Variants in MPPED1 observed in about 807,000 individuals in gnomAD.
MPPED1 encodes the protein metallophosphoesterase domain-containing protein 1.
Under a neutral mutation model 36.2 loss-of-function variants are expected in MPPED1, and 16 were observed. The observed-to-expected ratio is 0.44, with a 90% CI of 0.30 to 0.67. The LOEUF is 0.67. Among genes scored for constraint, MPPED1 ranks in the 30% least tolerant of loss-of-function variants. MPPED1 has a pLI of 0.10. For missense variants in MPPED1, 307 were observed against 453.4 expected (o/e 0.68, Z 2.93); for synonymous variants, 199 against 191.3 (o/e 1.04, Z -0.33).
intron 4 of MPPED1, among the ~76,000 whole-genome samples, chr22:43,495,970 GA>G: frequency 7.3e-6 from 1 of 136,778 alleles, no homozygotes; most frequent in South Asian, 2.4e-4. Flanking sequence ...TGGTGGTGGA[GA>G]TGGTGGTGGT....
chr22:43,460,416 C>T (rs1022577840), intron 3 of MPPED1, among the ~76,000 whole-genome samples: 1 of 151,872 alleles, frequency 6.6e-6, no homozygotes, highest in African/African-American at 2.4e-5. Context: ...CTGCAATATC[C>T]GTCTCCTGGG....
chr22:43,461,877 T>C (rs1930969073), intron 3 of MPPED1, among the ~76,000 whole-genome samples: 2 of 152,184 alleles, frequency 1.3e-5, no homozygotes, highest in South Asian at 2.1e-4. Flanking sequence ...TGCCAAATAT[T>C]AATAATATTG....
chr22:43,469,584 G>C (rs1931296202), intron 3 of MPPED1, among the ~76,000 whole-genome samples: 1 of 120,990 alleles, frequency 8.3e-6, no homozygotes, highest in East Asian at 2.5e-4. Context: ...CTCCGTGATG[G>C]TCAGGCCATG....
At position 43,415,565 on chromosome 22, in the gene MPPED1, G is replaced by A. The variant is rs5759331; in HGVS notation, c.-79+3407G>A. Among the ~76,000 whole-genome samples the A allele has an allele frequency of 6.7e-3, 1,020 of 152,122 alleles. 3 individuals carry two copies. The highest frequency in any genetic ancestry group is 0.023 in the African/African-American group (961 of 41,516). ...ATCAAATTGTGATTTGAGGTGTTCC[G>A]TGGCCTTTTCAGGCCTTTTCATGAA... is the stretch of plus-strand genomic sequence containing the variant. On this transcript the variant is annotated intron_variant, in intron 1 of 6. Coordinates refer to ENST00000443721, the MANE Select transcript of MPPED1 (RefSeq NM_001044370.2).
intron 3 of MPPED1, among the ~76,000 whole-genome samples, chr22:43,451,076 G>A (rs572846529): frequency 8.1e-5 from 12 of 148,046 alleles, no homozygotes; most frequent in East Asian, 3.9e-4. Flanking sequence ...GGGCCATCTC[G>A]GTTCGCTGCA....
chr22:43,453,455 C>A (rs1046537064), intron 3 of MPPED1, among the ~76,000 whole-genome samples: 1 of 152,108 alleles, frequency 6.6e-6, no homozygotes, highest in African/African-American at 2.4e-5. Context: ...CCAGCACAAT[C>A]CTTGCTGGGA....
chr22:43,495,552 AGATGGTGGT>A (rs1569088782), intron 4 of MPPED1, among the ~76,000 whole-genome samples: 4 of 18,530 alleles, frequency 2.2e-4, no homozygotes, highest in Non-Finnish European at 2.0e-4. Context: ...GTGGTGGTGG[AGATGGTGGT>A]GGTGGAGGTG....
At chr22:43,460,372 C>T (rs1460548845) in intron 3 of MPPED1, among the ~76,000 whole-genome samples, 1 of 145,710 alleles carries the variant, frequency 6.9e-6, no homozygotes, top group Admixed American at 7.0e-5. Context: ...CTCACTGCTT[C>T]CAGGTTGGAG....
chr22:43,447,697 G>T (rs9620139), intron 3 of MPPED1, among the ~76,000 whole-genome samples: 3,116 of 151,218 alleles, frequency 0.021, 112 homozygotes, highest in African/African-American at 0.072. Context: ...GTGCTCAAGT[G>T]CAGATTACAT....
Position 43,474,723 on chromosome 22 carries a change from T to C in MPPED1, c.407-13T>C. On this transcript the variant is annotated splice_polypyrimidine_tract_variant and intron_variant, in intron 3 of 6. Transcript: ENST00000443721. The surrounding 1 kb of genome is among the most constrained non-coding windows in gnomAD (Gnocchi z 5.2). ...GCTGTGTGCTGTGTGTCTGTCTGTGTCCACCCCTGCAGGCAGCCTGCCCTA... is the reference window on the plus strand; with the variant it reads ...GCTGTGTGCTGTGTGTCTGTCTGTGCCCACCCCTGCAGGCAGCCTGCCCTA... The C allele has an allele frequency of 6.2e-7, 1 of 1,613,364 alleles. No homozygotes were observed. Among genetic ancestry groups the C allele is most frequent in the Non-Finnish European group, 8.5e-7 (1 of 1,179,500 alleles).
intron 1 of MPPED1, chr22:43,416,884 G>A (rs1929093435): frequency 1.7e-6 from 1 of 586,660 alleles, no homozygotes; most frequent in South Asian, 7.5e-5. Flanking sequence ...TTTGCGTCTC[G>A]GGGCTCGTTC....
chr22:43,436,409 C>T (rs531356971), intron 3 of MPPED1, among the ~76,000 whole-genome samples: 2 of 152,214 alleles, frequency 1.3e-5, no homozygotes, highest in Non-Finnish European at 2.9e-5. Flanking sequence ...AGGGCAGCCG[C>T]GGTGAGCCAG....
At chr22:43,415,225 C>CA (rs34357060) in intron 1 of MPPED1, among the ~76,000 whole-genome samples, 14,246 of 48,720 alleles carry the variant, frequency 0.29, 1,989 homozygotes, top group South Asian at 0.4. Flanking sequence ...ATGTCAAAAG[C>CA]AAAAAAAAAA....
At chr22:43,493,345 T>A (rs1427339531) in intron 4 of MPPED1, among the ~76,000 whole-genome samples, 1 of 152,246 alleles carries the variant, frequency 6.6e-6, no homozygotes, top group Non-Finnish European at 1.5e-5. Context: ...GGGTAGTATG[T>A]TGGGTTAACA....
intron 3 of MPPED1, among the ~76,000 whole-genome samples, chr22:43,441,284 C>G (rs985572938): frequency 1.3e-5 from 2 of 152,168 alleles, no homozygotes; most frequent in Non-Finnish European, 2.9e-5. Flanking sequence ...CCCTTTGAGG[C>G]TGACGTCTGC....
rs559902772 is a variant in MPPED1, at chr22:43,481,510, T to C, written c.632+6549T>C. 2.0e-5 allele frequency among the ~76,000 whole-genome samples: 3 copies of C among 152,330 alleles called. No homozygotes were observed. The South Asian group carries it at 6.2e-4, about 32-fold the overall frequency. ...GCCCAGTACAGAGTCTGGTTCCTCA[T>C]AATAAGTATTTGTTGGATGAATGAA... is the stretch of plus-strand genomic sequence containing the variant. On this transcript the variant is annotated intron_variant, in intron 4 of 6. Transcript: ENST00000443721.
intron 3 of MPPED1, among the ~76,000 whole-genome samples, chr22:43,452,912 TA>T (rs1930621770): frequency 6.6e-6 from 1 of 151,212 alleles, no homozygotes; most frequent in Admixed American, 6.6e-5. Flanking sequence ...GGGTGTGAGC[TA>T]CCACACCTAG....
intron 3 of MPPED1, among the ~76,000 whole-genome samples, chr22:43,458,745 T>C (rs927257886): frequency 2.0e-5 from 3 of 152,220 alleles, no homozygotes; most frequent in Admixed American, 1.3e-4. Flanking sequence ...TCAGTTTGTT[T>C]CTGTTTATCT....
chr22:43,464,649 C>G (rs947843113), intron 3 of MPPED1, among the ~76,000 whole-genome samples: 1 of 152,128 alleles, frequency 6.6e-6, no homozygotes, highest in Non-Finnish European at 1.5e-5. Flanking sequence ...CCGGGTCCCA[C>G]CTGCTTCTCA....
Sources: gnomAD v4.1 joint callset for allele counts (sites outside exome capture counted in the v4.1 genomes callset) on GRCh38, gnomAD v4.1.1 for gene constraint, Gnocchi (gnomAD v3.1) non-coding constraint, MANE v1.5 for transcripts, NCBI Gene and HGNC (gene_info 2026-07-23, HGNC 2026-07-21) for gene names.